TNFSF13B: variants seen among roughly 807,000 people sequenced by gnomAD.
The protein encoded by TNFSF13B is tumor necrosis factor ligand superfamily member 13B.
A neutral mutation model predicts 29.1 loss-of-function variants in TNFSF13B; 8 were observed. The observed-to-expected ratio is 0.27, with a 90% confidence interval of 0.16 to 0.50. The LOEUF is 0.50. Ranked by LOEUF, TNFSF13B falls within the 20% of genes least tolerant of loss-of-function variation. TNFSF13B has a pLI of 0.98. For synonymous variants in TNFSF13B, 125 were observed against 130.8 expected (o/e 0.96, Z 0.30); for missense variants, 248 against 334.9 (o/e 0.74, Z 2.03).
chr13:108,304,567 TG>T (rs1881717811), intron 5 of TNFSF13B, among the ~76,000 whole-genome samples: 1 of 152,210 alleles, frequency 6.6e-6, no homozygotes, highest in South Asian at 2.1e-4. Context: ...AGGCTGGTTT[TG>T]CAGAAAAATA....
At chr13:108,280,672 A>G (rs1880916623) in intron 2 of TNFSF13B, among the ~76,000 whole-genome samples, 1 of 152,128 alleles carries the variant, frequency 6.6e-6, no homozygotes, top group African/African-American at 2.4e-5. Flanking sequence ...AAATTAAAAT[A>G]TTAGATGAAT....
At chr13:108,284,000 C>T (rs1467640292) in intron 2 of TNFSF13B, among the ~76,000 whole-genome samples, 1 of 152,140 alleles carries the variant, frequency 6.6e-6, no homozygotes, top group East Asian at 1.9e-4. Context: ...CCGTCTCCTA[C>T]TGAAGTTTTT....
At chr13:108,283,993 T>C (rs546065698) in intron 2 of TNFSF13B, among the ~76,000 whole-genome samples, 1 of 152,154 alleles carries the variant, frequency 6.6e-6, no homozygotes, top group South Asian at 2.1e-4. Flanking sequence ...ACCATAGCCG[T>C]CTCCTACTGA....
At chr13:108,277,590 T>C (rs1880797107) in intron 2 of TNFSF13B, among the ~76,000 whole-genome samples, 1 of 152,130 alleles carries the variant, frequency 6.6e-6, no homozygotes, top group African/African-American at 2.4e-5. Context: ...AAAGCAAGTT[T>C]ATTAGGAAAG....
chr13:108,307,582 A>G lies in TNFSF13B; in HGVS notation c.*644A>G, dbSNP rs1202669288. ...GTATACAATTTCTATCTGTAATGTA[A>G]TATATTACCCACACATTTTTTTCAC... On this transcript the variant is annotated 3_prime_UTR_variant, in exon 6 of 6. Transcript: ENST00000375887. 6.6e-6 allele frequency: 1 copy of G among 151,652 alleles called. No homozygotes were observed. The highest frequency in any genetic ancestry group is 2.4e-5 in the African/African-American group (1 of 41,164). The allele number at this position is 151,652 out of a possible 1,614,324, so 9.4% of individuals were successfully genotyped here. A position where few individuals can be genotyped will look rare whatever the true frequency, so the allele number is the denominator to read the frequency against.
At chr13:108,291,686 C>T (rs1027102381) in intron 3 of TNFSF13B, among the ~76,000 whole-genome samples, 7 of 151,876 alleles carry the variant, frequency 4.6e-5, no homozygotes, top group African/African-American at 1.7e-4. Context: ...TTCTGTGTTT[C>T]TCATGTATGC....
At chr13:108,278,225 G>C (rs913694869) in intron 2 of TNFSF13B, among the ~76,000 whole-genome samples, 12 of 152,034 alleles carry the variant, frequency 7.9e-5, no homozygotes, top group Non-Finnish European at 1.2e-4. Context: ...CAAGGCCCAG[G>C]GTATTACGAT....
Position 108,284,331 on chromosome 13 carries a change from A to AAAAT in TNFSF13B, c.425-2451_425-2448dup, listed in dbSNP as rs200100764. On this transcript the variant is annotated intron_variant, in intron 2 of 5. Transcript: ENST00000375887. Reference sequence around the variant, plus strand: ...GCGACAGAGCGAGACTCCGTCTCAAAAAATAAATAAATAAATAAATAAATG... The same window carrying AAAAT: ...GCGACAGAGCGAGACTCCGTCTCAAAAAATAAATAAATAAATAAATAAATAAATG... 3.2e-4 allele frequency among the ~76,000 whole-genome samples: 45 copies of AAAAT among 140,454 alleles called. No individual in the cohort carries two copies. In the East Asian group the frequency reaches 5.1e-3, roughly 16 times the overall value. The allele number at this position is 140,454 out of a possible 152,430, so 92.1% of individuals were successfully genotyped here. A position where few individuals can be genotyped will look rare whatever the true frequency, so the allele number is the denominator to read the frequency against.
intron 5 of TNFSF13B, among the ~76,000 whole-genome samples, chr13:108,306,602 G>A (rs539454047): frequency 4.6e-5 from 7 of 151,680 alleles, no homozygotes; most frequent in Non-Finnish European, 1.0e-4. Flanking sequence ...TTAATGAGTA[G>A]GTGATAAATG....
intron 5 of TNFSF13B, among the ~76,000 whole-genome samples, chr13:108,303,898 A>G (rs1038389081): frequency 2.6e-5 from 4 of 152,222 alleles, no homozygotes; most frequent in African/African-American, 9.6e-5. Context: ...ACTTCTACAT[A>G]GTAACTTCTA....
At chr13:108,275,355 G>C (rs1376156679) in intron 2 of TNFSF13B, among the ~76,000 whole-genome samples, 1 of 151,980 alleles carries the variant, frequency 6.6e-6, no homozygotes, top group African/African-American at 2.4e-5. Flanking sequence ...TCTTTCAAAT[G>C]GGTATCACTG....
At chr13:108,287,426 T>G (rs1188014968) in intron 3 of TNFSF13B, among the ~76,000 whole-genome samples, 1 of 152,074 alleles carries the variant, frequency 6.6e-6, no homozygotes, top group Non-Finnish European at 1.5e-5. Context: ...ATAATAAACC[T>G]ACATTTATTC....
At chr13:108,299,972 A>G (rs772949361) in intron 3 of TNFSF13B, among the ~76,000 whole-genome samples, 43 of 152,196 alleles carry the variant, frequency 2.8e-4, no homozygotes, top group Non-Finnish European at 5.3e-4. Context: ...GACATTTACT[A>G]AGAAGTGGGT....
At chr13:108,290,849 A>G (rs1245053292) in intron 3 of TNFSF13B, among the ~76,000 whole-genome samples, 1 of 151,932 alleles carries the variant, frequency 6.6e-6, no homozygotes, top group Non-Finnish European at 1.5e-5. Flanking sequence ...TTAAGGAAAG[A>G]TCTCGTGTTC....
chr13:108,290,286 T>C (rs1881268457), intron 3 of TNFSF13B, among the ~76,000 whole-genome samples: 1 of 152,160 alleles, frequency 6.6e-6, no homozygotes, highest in African/African-American at 2.4e-5. Context: ...TTAACCAGTC[T>C]CCTACCAATA....
chr13:108,278,577 TCTC>T (rs1364240782), intron 2 of TNFSF13B, among the ~76,000 whole-genome samples: 1 of 4,024 alleles, frequency 2.5e-4, no homozygotes, highest in Non-Finnish European at 7.9e-4. Flanking sequence ...TACCCCCTCC[TCTC>T]CTCCTCCTCC....
chr13:108,269,729 T>G lies in TNFSF13B; in HGVS notation c.-167T>G, dbSNP rs577813974. 1.2e-5 allele frequency: 8 copies of G among 641,552 alleles called. No individual in the cohort carries two copies. The Admixed American group carries it at 2.0e-4, about 16-fold the overall frequency. The allele number at this position is 641,552 out of a possible 1,614,324, so 39.7% of individuals were successfully genotyped here. On this transcript the variant is annotated 5_prime_UTR_variant, in exon 1 of 6. It removes an upstream start codon present in the reference 5' UTR. Transcript: ENST00000375887. ...ACCTACTGTACAGTAGGGGTAGAGA[T>G]GCAGAAAGGCAGAAAGGAGAAAATT...
rs760464115 is a variant in TNFSF13B at position 108,303,305 on chromosome 13, A to G, written c.534A>G (p.Leu178=). The G allele has an allele frequency of 6.2e-7, 1 of 1,613,564 alleles. No individual in the cohort carries two copies. The highest frequency in any genetic ancestry group is 8.5e-7 in the Non-Finnish European group (1 of 1,179,708). ...TCAGCTTTAAAAGGGGAAGTGCCCT[A>G]GAAGAAAAAGAGAATAAAATATTGG... The part of the protein sequence containing the change: ...WLLSFKRGSA[L]EEKENKILVK... Residue 178 remains leucine (L), a synonymous_variant, in exon 4 of 6, where the codon CTA becomes CTG. Coordinates refer to ENST00000375887, the MANE Select transcript of TNFSF13B (RefSeq NM_006573.5).
intron 2 of TNFSF13B, among the ~76,000 whole-genome samples, chr13:108,274,623 A>G (rs552441260): frequency 5.3e-5 from 8 of 152,200 alleles, no homozygotes; most frequent in African/African-American, 1.4e-4. Flanking sequence ...ATTAATGTTT[A>G]TATTCCCAAA....
Sources: gnomAD v4.1 joint callset for allele counts (sites outside exome capture counted in the v4.1 genomes callset) on GRCh38, gnomAD v4.1.1 for gene constraint, MANE v1.5 for transcripts, NCBI Gene and HGNC (gene_info 2026-07-23, HGNC 2026-07-21) for gene names.